LRRC49: variants seen among roughly 807,000 people sequenced by gnomAD.
LRRC49 encodes leucine rich repeat containing 49.
Under a neutral mutation model 83.3 loss-of-function variants are expected in LRRC49, and 50 were observed. The observed-to-expected ratio is 0.60, with a 90% CI of 0.48 to 0.76. The LOEUF (loss-of-function observed/expected upper bound fraction) is 0.76. LRRC49 is among the 30% of genes least tolerant of loss of function. The probability of loss-of-function intolerance (pLI) is 0.00; values close to 1 mark genes in which losing one functional copy is unlikely to be tolerated. For missense variants in LRRC49, 704 were observed against 809.1 expected, an observed-to-expected ratio of 0.87 and a Z score of 1.58; for synonymous variants, 286 against 283.3, an observed-to-expected ratio of 1.01 and a Z score of -0.10.
intron 15 of LRRC49, among the ~76,000 whole-genome samples, chr15:71,043,338 T>C (rs1411688704): frequency 6.6e-6 from 1 of 152,224 alleles, no homozygotes; most frequent in African/African-American, 2.4e-5. Flanking sequence ...AAAATTCTAG[T>C]TTAATGAAAT....
intron 8 of LRRC49, among the ~76,000 whole-genome samples, chr15:70,954,356 G>C (rs1020298099): frequency 6.6e-6 from 1 of 152,008 alleles, no homozygotes; most frequent in Non-Finnish European, 1.5e-5. Flanking sequence ...GTTTTGCCTG[G>C]GTTGGGTTTC....
At chr15:70,895,774 GT>G (rs1377322045) in intron 2 of LRRC49, 74 bp from the exon 3 acceptor site, 1 of 854,360 alleles carries the variant, frequency 1.2e-6, no homozygotes, top group Admixed American at 2.2e-5. Context: ...GTTATTATAT[GT>G]TTTTTTAATT....
intron 9 of LRRC49, 73 bp downstream of exon 9, chr15:70,964,005 T>G (rs1376129943): frequency 2.8e-6 from 4 of 1,412,860 alleles, no homozygotes; most frequent in Non-Finnish European, 3.9e-6. Context: ...TGCATATTCT[T>G]TGCTTGAAAT....
At chr15:70,898,696 T>G (rs534548503) in intron 3 of LRRC49, among the ~76,000 whole-genome samples, 17 of 152,000 alleles carry the variant, frequency 1.1e-4, no homozygotes, top group Non-Finnish European at 1.9e-4. Flanking sequence ...GGTAGGAGGA[T>G]CACTTGAGCC....
chr15:70,907,966 T>A (rs1259674454), intron 5 of LRRC49: 2 of 456,066 alleles, frequency 4.4e-6, no homozygotes. Flanking sequence ...GATGCCTTCA[T>A]TTACCTCTGA....
At chr15:70,919,475 T>C (rs2034924793) in intron 7 of LRRC49, among the ~76,000 whole-genome samples, 1 of 152,212 alleles carries the variant, frequency 6.6e-6, no homozygotes, top group Non-Finnish European at 1.5e-5. Context: ...TCTTCTGTTT[T>C]GTCATGGGTA....
At chr15:70,943,543 G>C (rs190328485) in intron 8 of LRRC49, among the ~76,000 whole-genome samples, 1 of 152,132 alleles carries the variant, frequency 6.6e-6, no homozygotes, top group Admixed American at 6.5e-5. Flanking sequence ...CCCTTGCAGT[G>C]GGCTGTCCAT....
intron 1 of LRRC49, among the ~76,000 whole-genome samples, chr15:70,857,762 G>A (rs2141066892): frequency 6.6e-6 from 1 of 152,302 alleles, no homozygotes; most frequent in Non-Finnish European, 1.5e-5. Context: ...CATCCCCAAG[G>A]ATGCTTTGAA....
chr15:70,933,271 A>G (rs886229854), intron 7 of LRRC49, among the ~76,000 whole-genome samples: 1 of 152,126 alleles, frequency 6.6e-6, no homozygotes, highest in South Asian at 2.1e-4. Flanking sequence ...ATTATGTTTT[A>G]TTAAAAATAA....
chr15:70,916,372 G>A (rs1276828971), intron 6 of LRRC49, among the ~76,000 whole-genome samples: 1 of 152,136 alleles, frequency 6.6e-6, no homozygotes, highest in Non-Finnish European at 1.5e-5. Flanking sequence ...TTGGCTCACT[G>A]CAACCTCTGC....
rs186413649 is a variant in LRRC49 at position 71,043,846 on chromosome 15, A to T, written c.1858-5563A>T. On this transcript the variant is annotated intron_variant, in intron 15 of 15. Coordinates refer to ENST00000260382, the MANE Select transcript of LRRC49 (RefSeq NM_017691.5). Reference sequence around the variant, plus strand: ...TGTATAATACATAAATGATTTAACAAAATATATCATTTAATTGTTTTAATT... The same window carrying T: ...TGTATAATACATAAATGATTTAACATAATATATCATTTAATTGTTTTAATT... Among the ~76,000 whole-genome samples the T allele has an allele frequency of 2.0e-5, 3 of 152,376 alleles. No homozygotes were observed. The East Asian group carries it at 5.8e-4, about 29-fold the overall frequency.
chr15:70,903,925 A>G (rs995070761), intron 4 of LRRC49, among the ~76,000 whole-genome samples: 8 of 152,196 alleles, frequency 5.3e-5, no homozygotes, highest in Non-Finnish European at 1.2e-4. Flanking sequence ...ATGTTCTGCA[A>G]AGTTCAAAGT....
chr15:70,941,206 T>G (rs2141165103), intron 8 of LRRC49, among the ~76,000 whole-genome samples: 1 of 152,280 alleles, frequency 6.6e-6, no homozygotes, highest in Non-Finnish European at 1.5e-5. Flanking sequence ...TTCAGAAAAA[T>G]AGACTTTGAG....
rs570906445 is a variant in LRRC49 at position 70,989,925 on chromosome 15, A to T, written c.1169+5668A>T. ...AGACCCTGTTTGCCTGGGTACCAGC[A>T]GCGGTGGCGGCAGAACAGCGGATTT... On this transcript the variant is annotated intron_variant, in intron 11 of 15. Coordinates refer to ENST00000260382, the MANE Select transcript of LRRC49 (RefSeq NM_017691.5). 2.0e-5 allele frequency among the ~76,000 whole-genome samples: 3 copies of T among 152,306 alleles called. No individual in the cohort carries two copies. The South Asian group carries it at 6.2e-4, about 32-fold the overall frequency.
chr15:71,011,434 G>A (rs545336156), intron 13 of LRRC49, among the ~76,000 whole-genome samples: 1 of 152,016 alleles, frequency 6.6e-6, no homozygotes, highest in African/African-American at 2.4e-5. Flanking sequence ...ATATAAAGTG[G>A]AGAAGAATTA....
At chr15:70,859,914 GGCTGGAGTCTGGGATGCAGAAC>G (rs2032747046) in intron 1 of LRRC49, 1 of 768,522 alleles carries the variant, frequency 1.3e-6, no homozygotes, top group Admixed American at 1.7e-5. Context: ...GAGGAGAGCC[GGCTGGAGTCTGGGATGCAGAAC>G]ATGACAATCC....
intron 14 of LRRC49, among the ~76,000 whole-genome samples, chr15:71,033,332 A>G (rs1006122239): frequency 6.6e-6 from 1 of 152,076 alleles, no homozygotes; most frequent in African/African-American, 2.4e-5. Flanking sequence ...TTCAAGGAGA[A>G]CTGCTTGTTC....
chr15:71,025,200 C>G (rs2039124374), intron 14 of LRRC49, among the ~76,000 whole-genome samples: 1 of 152,068 alleles, frequency 6.6e-6, no homozygotes, highest in Non-Finnish European at 1.5e-5. Context: ...CCAGAGAACC[C>G]CAGTAAGATA....
intron 14 of LRRC49, among the ~76,000 whole-genome samples, chr15:71,022,476 A>G (rs1370117299): frequency 6.6e-6 from 1 of 152,252 alleles, no homozygotes; most frequent in Admixed American, 6.5e-5. Flanking sequence ...ATATGTTTAC[A>G]TAAATATTGA....
Sources: gnomAD v4.1 joint callset for allele counts (sites outside exome capture counted in the v4.1 genomes callset) on GRCh38, gnomAD v4.1.1 for gene constraint, MANE v1.5 for transcripts, NCBI Gene and HGNC (gene_info 2026-07-23, HGNC 2026-07-21) for gene names.